VPS41: variants seen among roughly 807,000 people sequenced by gnomAD.
VPS41 encodes the protein vacuolar protein sorting-associated protein 41 homolog.
VPS41 carries 85 observed loss-of-function variants against 130.9 expected under a neutral mutation model. That is an observed-to-expected ratio of 0.65 (90% CI 0.55 to 0.78). VPS41 has a LOEUF of 0.78. VPS41 is among the 30% of genes least tolerant of loss of function. The pLI, the probability that VPS41 is intolerant of heterozygous loss-of-function variation, is 0.00. For missense variants in VPS41, 874 were observed against 1,018.7 expected, an observed-to-expected ratio of 0.86 and a Z score of 1.93; for synonymous variants, 335 against 332.9, an observed-to-expected ratio of 1.01 and a Z score of -0.07.
At chr7:38,826,104 C>T (rs1000074141) in intron 5 of VPS41, among the ~76,000 whole-genome samples, 4 of 152,322 alleles carry the variant, frequency 2.6e-5, no homozygotes, top group Admixed American at 2.6e-4. Flanking sequence ...TCCACCCAGG[C>T]TGACTAACAG....
At chr7:38,824,466 C>T (rs191689586) in intron 5 of VPS41, among the ~76,000 whole-genome samples, 4 of 152,280 alleles carry the variant, frequency 2.6e-5, no homozygotes, top group Admixed American at 2.6e-4. Flanking sequence ...GCCTGTTGAA[C>T]TGATGATTCT....
chr7:38,833,516 T>C (rs1785434418), intron 4 of VPS41, among the ~76,000 whole-genome samples: 1 of 152,204 alleles, frequency 6.6e-6, no homozygotes, highest in Non-Finnish European at 1.5e-5. Context: ...CCTTAAGGCC[T>C]TTCCATTTGT....
In VPS41 at chr7:38,763,553, TA is replaced by T; in HGVS notation, c.1330-7del. 1 of 1,573,032 alleles carries T rather than the reference TA, an allele frequency of 6.4e-7. No homozygotes were observed. Among genetic ancestry groups the T allele is most frequent in the Non-Finnish European group, 8.6e-7 (1 of 1,161,778 alleles). ...GGCAAATAAGGACTAATAGCCTAGG[TA>T]AGGAAAAGGGAAAAAAAAGTCCATT... On this transcript the variant is annotated splice_region_variant and splice_polypyrimidine_tract_variant and intron_variant, in intron 16 of 28. Transcript: ENST00000310301.
intron 7 of VPS41, among the ~76,000 whole-genome samples, chr7:38,803,215 C>T (rs1449514009): frequency 6.6e-6 from 1 of 152,202 alleles, no homozygotes; most frequent in Non-Finnish European, 1.5e-5. Context: ...ATGAAGTCCC[C>T]GATTCTGGTC....
chr7:38,723,952 C>T lies in VPS41; in HGVS notation c.*2294G>A, dbSNP rs974057866. On this transcript the variant is annotated 3_prime_UTR_variant, in exon 29 of 29. Coordinates refer to ENST00000310301, the MANE Select transcript of VPS41 (RefSeq NM_014396.4). ...ATTGAATATCCTTTAATAAATCACC[C>T]AATACTGTTTATTCAAAAGAAAAGA... 9.2e-5 allele frequency: 14 copies of T among 151,852 alleles called. No homozygotes were observed. Among genetic ancestry groups the T allele is most frequent in the African/African-American group, 3.4e-4 (14 of 41,320 alleles). 9.4% of individuals were successfully genotyped at this position (151,852 alleles called of 1,614,324 possible). A position where few individuals can be genotyped will look rare whatever the true frequency, so the allele number is the denominator to read the frequency against.
chr7:38,757,038 C>T, intron 18 of VPS41, 56 bp from the exon 19 acceptor site: 1 of 1,322,456 alleles, frequency 7.6e-7, no homozygotes, highest in Non-Finnish European at 1.1e-6. Context: ...TTAAAACACA[C>T]ACAGAGAGAT....
At chr7:38,862,183 C>G (rs896474463) in intron 4 of VPS41, among the ~76,000 whole-genome samples, 8 of 152,110 alleles carry the variant, frequency 5.3e-5, no homozygotes, top group Non-Finnish European at 8.8e-5. Flanking sequence ...AGACATTCTA[C>G]ATTGTCACAA....
At chr7:38,824,384 T>G (rs1785230910) in intron 5 of VPS41, among the ~76,000 whole-genome samples, 1 of 152,188 alleles carries the variant, frequency 6.6e-6, no homozygotes, top group Non-Finnish European at 1.5e-5. Context: ...GTCTGCACAA[T>G]TGGCAATGTT....
chr7:38,897,254 T>TA lies in VPS41; in HGVS notation c.60+836dup, dbSNP rs1787023928. Among the ~76,000 whole-genome samples, 3 of 144,958 alleles carry TA rather than the reference T, an allele frequency of 2.1e-5. 1 individual carries two copies. The East Asian group carries it at 6.2e-4, about 30-fold the overall frequency. On this transcript the variant is annotated intron_variant, in intron 2 of 28. Transcript: ENST00000310301. ...AACATTTCTTATGCAGACTTGAAAA[T>TA]AAATTTTTTAAAAACTCCTTCCTTA...
At chr7:38,862,726 T>C (rs1441185640) in intron 3 of VPS41, 104 bp from the exon 4 acceptor site, 1 of 656,804 alleles carries the variant, frequency 1.5e-6, no homozygotes, top group Non-Finnish European at 2.6e-6. Flanking sequence ...GCATAAATGA[T>C]CTGCAATGTC....
intron 7 of VPS41, among the ~76,000 whole-genome samples, chr7:38,798,245 A>T (rs1057193667): frequency 6.6e-6 from 1 of 152,208 alleles, no homozygotes; most frequent in Non-Finnish European, 1.5e-5. Context: ...AGTTCCTGCT[A>T]CAGAGAAGAT....
chr7:38,858,471 G>A (rs1396338306), intron 4 of VPS41, among the ~76,000 whole-genome samples: 1 of 152,162 alleles, frequency 6.6e-6, no homozygotes, highest in African/African-American at 2.4e-5. Flanking sequence ...GTCATGGCCT[G>A]AACTAGTTTT....
At chr7:38,827,681 A>G (rs1785307231) in intron 5 of VPS41, among the ~76,000 whole-genome samples, 1 of 152,220 alleles carries the variant, frequency 6.6e-6, no homozygotes, top group African/African-American at 2.4e-5. Context: ...ATGCCAGCCC[A>G]GGCAGCTGGA....
chr7:38,805,405 C>T (rs151053104), intron 7 of VPS41, among the ~76,000 whole-genome samples: 4 of 151,856 alleles, frequency 2.6e-5, no homozygotes, highest in African/African-American at 7.3e-5. Context: ...TGGTGGTGCA[C>T]GCCTGTAGTC....
intron 25 of VPS41, among the ~76,000 whole-genome samples, chr7:38,730,324 A>G (rs1273935568): frequency 2.0e-5 from 3 of 152,236 alleles, no homozygotes; most frequent in Non-Finnish European, 4.4e-5. Flanking sequence ...TCAGTGGTCC[A>G]CGTGTTCCTC....
At chr7:38,771,636 A>G (rs1253418487) in intron 13 of VPS41, among the ~76,000 whole-genome samples, 1 of 152,226 alleles carries the variant, frequency 6.6e-6, no homozygotes, top group African/African-American at 2.4e-5. Context: ...TCTTTATGAC[A>G]TATTGATAAA....
At chr7:38,830,157 G>T in intron 5 of VPS41, 97 bp downstream of exon 5, 1 of 767,470 alleles carries the variant, frequency 1.3e-6, no homozygotes, top group South Asian at 1.5e-5. Flanking sequence ...GAATAATCAA[G>T]ATTGTCTTAA....
intron 1 of VPS41, among the ~76,000 whole-genome samples, chr7:38,903,950 A>C (rs6976302): frequency 0.89 from 135,461 of 152,096 alleles, 60,413 homozygotes; most frequent in East Asian, 0.99. Context: ...CTTGGTAACC[A>C]GGTGACCCAG....
In VPS41 at chr7:38,729,283, G is replaced by A. The variant is rs536250620; in HGVS notation, c.2260-492C>T. Among the ~76,000 whole-genome samples the A allele has an allele frequency of 7.2e-5, 11 of 152,220 alleles. No homozygotes were observed. The South Asian group carries it at 1.2e-3, about 17-fold the overall frequency. On this transcript the variant is annotated intron_variant, in intron 25 of 28. Transcript: ENST00000310301. Reference sequence around the variant, plus strand: ...CAAATAAGTACTGGGTCCCTATCACGTATAGGGTACTGGGTATAGATAATA... The same window carrying A: ...CAAATAAGTACTGGGTCCCTATCACATATAGGGTACTGGGTATAGATAATA...
Sources: allele counts gnomAD v4.1 joint callset (sites outside exome capture counted in the v4.1 genomes callset), GRCh38; gene constraint gnomAD v4.1.1; transcripts MANE v1.5; gene names NCBI Gene and HGNC (gene_info 2026-07-23, HGNC 2026-07-21).